TBL1X: variants seen among roughly 807,000 people sequenced by gnomAD.
TBL1X encodes F-box-like/WD repeat-containing protein TBL1X.
A neutral mutation model predicts 50.7 loss-of-function variants in TBL1X; 10 were observed. The observed-to-expected ratio is 0.20, with a 90% confidence interval of 0.12 to 0.33. TBL1X has a LOEUF of 0.33. TBL1X is among the 10% of genes least tolerant of loss of function. TBL1X has a pLI of 1.00. For synonymous variants in TBL1X, 190 were observed against 214.7 expected (o/e 0.88, Z 1.01); for missense variants, 340 against 504.4 (o/e 0.67, Z 3.12).
intron 3 of TBL1X, among the ~76,000 whole-genome samples, chrX:9,642,740 C>T (rs1295486591): frequency 8.9e-6 from 1 of 112,360 alleles, no homozygotes; most frequent in Admixed American, 9.4e-5. Context: ...TTAGGCTTCG[C>T]GGGCCAGGCG....
intron 7 of TBL1X, 77 bp from the exon 8 acceptor site, chrX:9,691,502 C>A: frequency 3.0e-6 from 3 of 994,848 alleles, no homozygotes; most frequent in South Asian, 2.6e-5. Context: ...AAAAATGTTT[C>A]TGGAAACAAA....
At chrX:9,679,783 T>A (rs1460958087) in intron 5 of TBL1X, among the ~76,000 whole-genome samples, 1 of 111,109 alleles carries the variant, frequency 9.0e-6, no homozygotes, top group South Asian at 3.8e-4. Context: ...GTGGGAGGGG[T>A]GAGATGCTGG....
In TBL1X at chrX:9,718,996, C is replaced by T. The variant is rs935117572; in HGVS notation, c.*2750C>T. On this transcript the variant is annotated 3_prime_UTR_variant, in exon 18 of 18. Transcript: ENST00000645353. ...TGCACACCACTACTCACCCTCTCTG[C>T]TGCTGGCATGTTGGTAGAGTCATCC... 1.2e-4 allele frequency: 13 copies of T among 112,685 alleles called. No individual in the cohort carries two copies. Among genetic ancestry groups the T allele is most frequent in the African/African-American group, 4.2e-4 (13 of 31,042 alleles). 9.3% of individuals were successfully genotyped at this position (112,685 alleles called of 1,213,427 possible).
chrX:9,572,902 C>T (rs2147011768), intron 2 of TBL1X, among the ~76,000 whole-genome samples: 1 of 112,451 alleles, frequency 8.9e-6, no homozygotes, highest in South Asian at 3.7e-4. Context: ...AAGCGTGGAG[C>T]TTGATGTGAG....
chrX:9,548,913 T>A (rs1297257915), intron 2 of TBL1X, among the ~76,000 whole-genome samples: 1 of 113,135 alleles, frequency 8.8e-6, no homozygotes, highest in Admixed American at 9.3e-5. Flanking sequence ...GAACCTGCAA[T>A]GCAATCTTTC....
At chrX:9,654,410 T>TTGA in intron 5 of TBL1X, 88 bp downstream of exon 5, 2 of 825,094 alleles carry the variant, frequency 2.4e-6, no homozygotes, top group Non-Finnish European at 3.5e-6. Flanking sequence ...AACCAGGCTG[T>TTGA]AGAAGAAGAA....
At chrX:9,709,578 C>A (rs1324238858) in intron 14 of TBL1X, 55 bp from the exon 15 acceptor site, 2 of 1,191,770 alleles carry the variant, frequency 1.7e-6, no homozygotes, top group African/African-American at 1.8e-5. Flanking sequence ...GATTCCACAT[C>A]GTTCCCGGAT....
At chrX:9,619,590 A>G (rs2082656523) in intron 2 of TBL1X, among the ~76,000 whole-genome samples, 1 of 112,467 alleles carries the variant, frequency 8.9e-6, no homozygotes, top group Non-Finnish European at 1.9e-5. Context: ...ATTCAATGTT[A>G]TTTTCATTTT....
At chrX:9,668,608 T>C (rs1000736793) in intron 5 of TBL1X, among the ~76,000 whole-genome samples, 2 of 112,606 alleles carry the variant, frequency 1.8e-5, no homozygotes, top group East Asian at 2.7e-4. Context: ...TCTCAACTTA[T>C]GGCAGTATAG....
intron 2 of TBL1X, among the ~76,000 whole-genome samples, chrX:9,585,340 T>TCCCC (rs397840236): frequency 1.5e-4 from 9 of 58,118 alleles, no homozygotes; most frequent in African/African-American, 2.5e-4. Flanking sequence ...CCCCCTCCCC[T>TCCCC]CCCCCCCCCG....
chrX:9,535,146 G>A (rs1338373144), intron 2 of TBL1X: 4 of 111,434 alleles, frequency 3.6e-5, no homozygotes, highest in Non-Finnish European at 7.5e-5. Context: ...GCTTCCAGAA[G>A]CCATCCCACT....
At chrX:9,506,146 C>T (rs188745698) in intron 2 of TBL1X, among the ~76,000 whole-genome samples, 14 of 112,377 alleles carry the variant, frequency 1.2e-4, no homozygotes, top group African/African-American at 4.2e-4. Context: ...GATTAAGAAA[C>T]TCATTCAAAA....
At chrX:9,676,159 AG>A (rs2082992863) in intron 5 of TBL1X, among the ~76,000 whole-genome samples, 1 of 112,318 alleles carries the variant, frequency 8.9e-6, no homozygotes, top group East Asian at 2.8e-4. Flanking sequence ...AGAATTCATG[AG>A]TGTTCCAAGG....
At chrX:9,506,429 A>T (rs2082026033) in intron 2 of TBL1X, among the ~76,000 whole-genome samples, 1 of 111,730 alleles carries the variant, frequency 9.0e-6, no homozygotes, top group East Asian at 2.8e-4. Context: ...AGCTGGCGGA[A>T]GGTAAGAAAT....
At chrX:9,600,796 T>G (rs1394414477) in intron 2 of TBL1X, among the ~76,000 whole-genome samples, 1 of 112,090 alleles carries the variant, frequency 8.9e-6, no homozygotes, top group Non-Finnish European at 1.9e-5. Flanking sequence ...CTGCACAGCA[T>G]GCTCAATTCA....
chrX:9,506,548 T>C lies in TBL1X; in HGVS notation c.-131+4699T>C, dbSNP rs80008478. Reference sequence around the variant, plus strand: ...GAAAAAATTAACAAAATAGATAGACTGCTAGCTAGACTAATAGAGAAGAAT... The same window carrying C: ...GAAAAAATTAACAAAATAGATAGACCGCTAGCTAGACTAATAGAGAAGAAT... On this transcript the variant is annotated intron_variant, in intron 2 of 17. Transcript: ENST00000645353. Among the ~76,000 whole-genome samples, 44 of 111,362 alleles carry C rather than the reference T, an allele frequency of 4.0e-4. No homozygotes were observed. The East Asian group carries it at 0.012, about 31-fold the overall frequency.
intron 1 of TBL1X, among the ~76,000 whole-genome samples, chrX:9,491,338 A>ATATATATATATATATATATT (rs1328551249): frequency 6.4e-5 from 2 of 31,310 alleles, no homozygotes; most frequent in South Asian, 1.6e-3. Context: ...ATATATATAT[A>ATATATATATATATATATATT]TTTTTTTTTT....
At chrX:9,613,019 AT>A (rs2082621154) in intron 2 of TBL1X, among the ~76,000 whole-genome samples, 1 of 109,358 alleles carries the variant, frequency 9.1e-6, no homozygotes, top group Non-Finnish European at 1.9e-5. Context: ...CCTTAAAAAA[AT>A]AAATGTACAA....
intron 2 of TBL1X, among the ~76,000 whole-genome samples, chrX:9,599,186 C>T (rs554831035): frequency 3.6e-5 from 4 of 110,591 alleles, no homozygotes; most frequent in African/African-American, 1.3e-4. Flanking sequence ...TCAGGTGATC[C>T]GCCCACCTCA....
Sources: allele counts gnomAD v4.1 joint callset (sites outside exome capture counted in the v4.1 genomes callset), GRCh38; gene constraint gnomAD v4.1.1; transcripts MANE v1.5; gene names NCBI Gene and HGNC (gene_info 2026-07-23, HGNC 2026-07-21).